BDP1: variants seen among roughly 807,000 people sequenced by gnomAD.
BDP1 encodes transcription factor TFIIIB component B'' homolog.
In BDP1, 169 loss-of-function variants were observed where a neutral mutation model predicts 266.6. The observed-to-expected ratio is 0.63, with a 90% confidence interval of 0.56 to 0.72. BDP1 has a LOEUF of 0.72. BDP1 is among the 30% of genes least tolerant of loss of function. The pLI is 0.00. For missense variants in BDP1, 3,015 were observed against 3,053.8 expected (o/e 0.99, Z 0.30); for synonymous variants, 1,090 against 1,022.4 (o/e 1.07, Z -1.26).
intron 7 of BDP1, among the ~76,000 whole-genome samples, chr5:71,471,381 A>G (rs142865384): frequency 6.6e-6 from 1 of 152,188 alleles, no homozygotes; most frequent in Non-Finnish European, 1.5e-5. Flanking sequence ...ACCTCTGGTG[A>G]TTCACCCACC....
At position 71,461,934 on chromosome 5, in the gene BDP1, A is replaced by C; in HGVS notation, c.599+8A>C. On this transcript the variant is annotated splice_region_variant and intron_variant, in intron 3 of 38. Coordinates refer to ENST00000358731, the MANE Select transcript of BDP1 (RefSeq NM_018429.3). ...AGATAATAATCCAATGACGTAAGTA[A>C]AATTTATTTCTGCTTTACTATCTCT... is the stretch of plus-strand genomic sequence containing the variant. 7.5e-7 allele frequency: 1 copy of C among 1,340,812 alleles called. No homozygotes were observed. The highest frequency in any genetic ancestry group is 1.1e-6 in the Non-Finnish European group (1 of 947,980). 83.1% of individuals were successfully genotyped at this position (1,340,812 alleles called of 1,614,324 possible).
At chr5:71,481,883 A>C (rs532677472) in intron 7 of BDP1, among the ~76,000 whole-genome samples, 16 of 152,228 alleles carry the variant, frequency 1.1e-4, no homozygotes, top group Non-Finnish European at 2.2e-4. Context: ...AATGCATTGC[A>C]TACAGTGGCT....
At chr5:71,458,155 A>G (rs568724536) in intron 1 of BDP1, among the ~76,000 whole-genome samples, 1 of 152,328 alleles carries the variant, frequency 6.6e-6, no homozygotes, top group African/African-American at 2.4e-5. Context: ...AAGTAAAGTA[A>G]AATGCCGGTA....
intron 25 of BDP1, among the ~76,000 whole-genome samples, chr5:71,526,247 G>A (rs1765864208): frequency 1.3e-5 from 2 of 151,444 alleles, no homozygotes. Context: ...GACCAGCCCA[G>A]CCAACCTCTG....
intron 36 of BDP1, among the ~76,000 whole-genome samples, chr5:71,557,533 TGCCACCACGCCCA>T (rs1743315061): frequency 6.6e-6 from 1 of 151,918 alleles, no homozygotes; most frequent in African/African-American, 2.4e-5. Context: ...TACAGGCACC[TGCCACCACGCCCA>T]GCTAATTTTT....
At chr5:71,529,550 G>A (rs1320142846) in intron 25 of BDP1, among the ~76,000 whole-genome samples, 1 of 152,162 alleles carries the variant, frequency 6.6e-6, no homozygotes, top group East Asian at 1.9e-4. Context: ...AATTAGCAAG[G>A]TGTGTTGGTG....
At chr5:71,559,594 G>A (rs1322010602) in intron 36 of BDP1, among the ~76,000 whole-genome samples, 1 of 152,114 alleles carries the variant, frequency 6.6e-6, no homozygotes, top group Non-Finnish European at 1.5e-5. Flanking sequence ...GAGTCTGTAG[G>A]TTTTACTTTT....
chr5:71,517,245 T>C (rs936208532), intron 21 of BDP1, 77 bp from the exon 22 acceptor site: 49 of 1,200,818 alleles, frequency 4.1e-5, no homozygotes, highest in South Asian at 1.5e-5. Context: ...AAAAACTAAA[T>C]ATCTTAATGG....
In BDP1 at chr5:71,464,117, A is replaced by G; in HGVS notation, c.659A>G (p.Glu220Gly). The change falls in exon 4 of 39, where the codon GAG becomes GGG. Residue 220 changes from glutamate to glycine, a missense_variant and splice_region_variant. Physicochemically the swap from Glu to Gly is moderately conservative, Grantham distance 98. Coordinates refer to ENST00000358731, the MANE Select transcript of BDP1 (RefSeq NM_018429.3). The stretch of plus-strand genomic sequence containing the variant: ...CCATCGACTCCAGTCCAGACAAGAG[A>G]GTAAGTATTTTATTTTTGAATATAT... Reference protein sequence around the residue: ...EKPSTPVQTREQEGKSTPNAE... With the variant: ...EKPSTPVQTRGQEGKSTPNAE... 1 of 1,553,916 alleles carries G rather than the reference A, an allele frequency of 6.4e-7. No homozygotes were observed. Among genetic ancestry groups the G allele is most frequent in the South Asian group, 1.2e-5 (1 of 83,618 alleles).
chr5:71,547,695 A>G (rs929918471), intron 32 of BDP1, among the ~76,000 whole-genome samples: 2 of 152,204 alleles, frequency 1.3e-5, no homozygotes, highest in African/African-American at 4.8e-5. Context: ...TCACACCTGT[A>G]TTCCAGCTCT....
chr5:71,527,006 T>C (rs1277004730), intron 25 of BDP1, among the ~76,000 whole-genome samples: 1 of 151,540 alleles, frequency 6.6e-6, no homozygotes, highest in African/African-American at 2.4e-5. Flanking sequence ...TTTTTAAGTG[T>C]ACACTTCAGT....
Position 71,523,974 on chromosome 5 carries a change from A to C in BDP1, c.5423A>C (p.Lys1808Thr), listed in dbSNP as rs765114222. 1 of 1,613,974 alleles carries C rather than the reference A, an allele frequency of 6.2e-7. No individual in the cohort carries two copies. The highest frequency in any genetic ancestry group is 8.5e-7 in the Non-Finnish European group (1 of 1,179,916). ...CCGTTAAACGAAACAAGTTACTCTA[A>C]AATTGCCCTGGATGGGAAAACAACT... Reference protein sequence around the residue: ...PQPLNETSYSKIALDGKTTIS... With the variant: ...PQPLNETSYSTIALDGKTTIS... The change falls in exon 25 of 39, where the codon AAA becomes ACA. Residue 1808 changes from lysine to threonine, a missense_variant. By Grantham distance (78) the Lys-to-Thr change is moderately conservative. Transcript: ENST00000358731.
Position 71,497,422 on chromosome 5 carries a change from A to T in BDP1, c.1952A>T (p.Glu651Val). Reference protein sequence around the residue: ...SKNSHSKTSVEKNHVEKDKMN... With the variant: ...SKNSHSKTSVVKNHVEKDKMN... The stretch of plus-strand genomic sequence containing the variant: ...AATTCACATTCAAAAACTTCAGTTG[A>T]AAAGGTATGGGGTAAGAGATTTCAT... The change falls in exon 13 of 39, where the codon GAA (glutamate) becomes GTA (valine). Residue 651 changes from glutamate (E) to valine (V), a missense_variant. Glu to Val is a moderately radical substitution (Grantham distance 121). Around this residue, in one of 3 missense-constraint regions of BDP1, gnomAD observed 2,383 missense variants for 2,404.9 expected, o/e 0.99. Coordinates refer to ENST00000358731, the MANE Select transcript of BDP1 (RefSeq NM_018429.3). The T allele has an allele frequency of 6.2e-7, 1 of 1,612,148 alleles. No individual in the cohort carries two copies. Among genetic ancestry groups the T allele is most frequent in the Non-Finnish European group, 8.5e-7 (1 of 1,178,950 alleles).
chr5:71,513,163 T>C (rs1235518819), intron 18 of BDP1, 22 bp from the exon 19 acceptor site: 1 of 1,584,476 alleles, frequency 6.3e-7, no homozygotes, highest in Non-Finnish European at 8.6e-7. Context: ...ATTCTAAAGC[T>C]TGATAATCCT....
intron 36 of BDP1, among the ~76,000 whole-genome samples, 155 bp downstream of exon 36, chr5:71,557,080 A>G (rs867449358): frequency 9.9e-5 from 15 of 152,164 alleles, no homozygotes; most frequent in African/African-American, 3.6e-4. Flanking sequence ...AAGGCCTTGG[A>G]TTTGGCAGTT....
At chr5:71,484,028 A>T in intron 8 of BDP1, 132 bp downstream of exon 8, 1 of 720,242 alleles carries the variant, frequency 1.4e-6, no homozygotes, top group Non-Finnish European at 2.3e-6. Flanking sequence ...GCAGTCTGAA[A>T]TTTTTCTGTT....
intron 30 of BDP1, among the ~76,000 whole-genome samples, chr5:71,543,068 A>T (rs541404484): frequency 6.6e-5 from 10 of 152,274 alleles, no homozygotes; most frequent in African/African-American, 2.4e-4. Flanking sequence ...TGGGTGGCTC[A>T]TTTGATGAAA....
At chr5:71,495,166 T>C in intron 11 of BDP1, 84 bp from the exon 12 acceptor site, 3 of 813,888 alleles carry the variant, frequency 3.7e-6, no homozygotes, top group Non-Finnish European at 5.2e-6. Flanking sequence ...ATGGTGATTT[T>C]GTGTGTTTAA....
chr5:71,508,853 T>G (rs1764734441), intron 16 of BDP1, among the ~76,000 whole-genome samples: 1 of 152,240 alleles, frequency 6.6e-6, no homozygotes, highest in Admixed American at 6.5e-5. Flanking sequence ...CCAGTAGCAT[T>G]CAGCAAAGTA....
Sources: allele counts gnomAD v4.1 joint callset (sites outside exome capture counted in the v4.1 genomes callset), GRCh38; gene constraint gnomAD v4.1.1; regional missense constraint gnomAD v4.1.1; transcripts MANE v1.5; gene names NCBI Gene and HGNC (gene_info 2026-07-23, HGNC 2026-07-21).